PABIR3: variants seen among roughly 807,000 people sequenced by gnomAD.
PABIR3 encodes PABIR family member 3, also known as PABIR family member 1.
A neutral mutation model predicts 23.1 loss-of-function variants in PABIR3; 20 were observed. That is an observed-to-expected ratio of 0.86 (90% CI 0.61 to 1.26). PABIR3 has a LOEUF of 1.26. Ranked by LOEUF, PABIR3 falls within the 50% of genes most tolerant of loss-of-function variation. The probability of loss-of-function intolerance (pLI) is 0.00; values close to 1 mark genes in which losing one functional copy is unlikely to be tolerated. For synonymous variants in PABIR3, 69 were observed against 68.5 expected (o/e 1.01, Z -0.04); for missense variants, 189 against 195.4 (o/e 0.97, Z 0.20).
intron 4 of PABIR3, among the ~76,000 whole-genome samples, chrX:134,834,940 T>C (rs2081923729): frequency 8.9e-6 from 1 of 112,385 alleles, no homozygotes; most frequent in African/African-American, 3.2e-5. Context: ...ATGCCTCTTA[T>C]TTATTGAAGA....
rs758583078 is a variant in PABIR3 at position 134,829,261 on chromosome X, C to A, written c.225C>A (p.Ser75Arg). Residue 75 changes from serine (S) to arginine (R), a missense_variant, in exon 4 of 11, where the codon AGC becomes AGA. By Grantham distance (110) the Ser-to-Arg change is moderately radical (BLOSUM62 -1). Transcript: ENST00000645433. The stretch of plus-strand genomic sequence containing the variant: ...CTCCTCCCTTTCATGGTTCCATCAG[C>A]CGCCTTCATCAAATCAAACAGGTAA... ...LPPPPFHGSI[S>R]RLHQIKQEEA... The A allele has an allele frequency of 8.3e-6, 10 of 1,207,901 alleles. No individual in the cohort carries two copies. The highest frequency in any genetic ancestry group is 1.0e-5 in the Non-Finnish European group (9 of 892,908).
intron 6 of PABIR3, 30 bp from the exon 7 acceptor site, chrX:134,847,353 A>G (rs774567530): frequency 9.2e-7 from 1 of 1,083,650 alleles, no homozygotes; most frequent in Non-Finnish European, 1.3e-6. Flanking sequence ...AATTGGTGCT[A>G]CAATTGTACA....
intron 2 of PABIR3, chrX:134,811,033 T>C: frequency 1.3e-6 from 1 of 754,548 alleles, no homozygotes; most frequent in South Asian, 6.7e-5. Context: ...GTTTCTTCTA[T>C]ATAAAGACCC....
At chrX:134,815,557 CCTTGT>C (rs1385765984) in intron 3 of PABIR3, among the ~76,000 whole-genome samples, 1 of 112,024 alleles carries the variant, frequency 8.9e-6, no homozygotes, top group Non-Finnish European at 1.9e-5. Flanking sequence ...GCATACATAT[CCTTGT>C]CTTGTTCCTC....
upstream of PABIR3, among the ~76,000 whole-genome samples, chrX:134,806,679 T>C (rs1430204139): frequency 9.2e-6 from 1 of 109,223 alleles, no homozygotes; most frequent in African/African-American, 3.3e-5. Context: ...GAAACCACAC[T>C]GAAAACAGTA....
At position 134,847,871 on chromosome X, in the gene PABIR3, A is replaced by G. The variant is rs1397221019; in HGVS notation, c.439-12A>G. The G allele has an allele frequency of 2.6e-6, 3 of 1,150,231 alleles. No individual in the cohort carries two copies. Among genetic ancestry groups the G allele is most frequent in the Non-Finnish European group, 3.5e-6 (3 of 868,404 alleles). 94.8% of individuals were successfully genotyped at this position (1,150,231 alleles called of 1,213,427 possible). On this transcript the variant is annotated splice_polypyrimidine_tract_variant and intron_variant, in intron 7 of 10. Transcript: ENST00000645433. ...TGGCGGTTTTAAAACCTCTGTTCCAATTTGATTTTAGCAGTGTTTCTCTCC... is the reference window on the plus strand; with the variant it reads ...TGGCGGTTTTAAAACCTCTGTTCCAGTTTGATTTTAGCAGTGTTTCTCTCC...
At chrX:134,857,098 C>T (rs752944363), downstream of PABIR3, among the ~76,000 whole-genome samples, 3 of 112,261 alleles carry the variant, frequency 2.7e-5, no homozygotes, top group Non-Finnish European at 5.6e-5. Context: ...TAGTGAAGGA[C>T]ATGCATTAGT....
At chrX:134,818,579 C>G (rs2081100512) in intron 3 of PABIR3, among the ~76,000 whole-genome samples, 1 of 111,889 alleles carries the variant, frequency 8.9e-6, no homozygotes, top group Non-Finnish European at 1.9e-5. Context: ...AAAGCACTTT[C>G]AGTAGAAGGA....
At chrX:134,840,523 A>G (rs1177563650) in intron 4 of PABIR3, among the ~76,000 whole-genome samples, 1 of 111,152 alleles carries the variant, frequency 9.0e-6, no homozygotes, top group African/African-American at 3.3e-5. Flanking sequence ...TGAGAACTGT[A>G]CAGCCACCTC....
At chrX:134,862,947 T>C in the PABIR3 span, among the ~76,000 whole-genome samples, 2 of 112,211 alleles carry the variant, frequency 1.8e-5, no homozygotes, top group East Asian at 5.6e-4. Flanking sequence ...GGCTATCATG[T>C]CTCCATAAAT....
intron 3 of PABIR3, among the ~76,000 whole-genome samples, chrX:134,816,541 C>CA (rs2080987570): frequency 9.0e-6 from 1 of 111,035 alleles, no homozygotes; most frequent in African/African-American, 3.3e-5. Flanking sequence ...AGGCTAGTCT[C>CA]AAACTCCTGA....
Position 134,829,352 on chromosome X carries a change from C to T in PABIR3, c.246+70C>T. On this transcript the variant is annotated intron_variant, in intron 4 of 10. Coordinates refer to ENST00000645433, the MANE Select transcript of PABIR3 (RefSeq NM_001388447.1). ...AATTTTATTTTTCTTTGTGAAAATA[C>T]CTATGTTTCAGTAATTCTAAGTGAG... 3 of 893,709 alleles carry T rather than the reference C, an allele frequency of 3.4e-6. 1 individual carries two copies. The highest frequency in any genetic ancestry group is 5.0e-5 in the South Asian group (2 of 40,385). 73.7% of individuals were successfully genotyped at this position (893,709 alleles called of 1,213,427 possible).
At chrX:134,809,810 C>T (rs2080530530) in intron 2 of PABIR3, 7 of 753,895 alleles carry the variant, frequency 9.3e-6, no homozygotes, top group Non-Finnish European at 1.1e-5. Flanking sequence ...CTAACCAATA[C>T]CTAAGCTGAT....
downstream of PABIR3, among the ~76,000 whole-genome samples, chrX:134,856,148 C>G (rs571822785): frequency 9.1e-6 from 1 of 110,069 alleles, no homozygotes; most frequent in Non-Finnish European, 1.9e-5. Flanking sequence ...TCTCAATATA[C>G]TTTTCTCAAC....
the PABIR3 span, among the ~76,000 whole-genome samples, chrX:134,860,617 G>A: frequency 4.5e-5 from 5 of 110,976 alleles, no homozygotes; most frequent in South Asian, 3.8e-4. Flanking sequence ...GGAAAAATAC[G>A]GGATAGGTTG....
chrX:134,828,047 C>CTCTCTCTCTCTCTATATATATATA (rs1466733144), intron 3 of PABIR3, among the ~76,000 whole-genome samples: 1 of 49,418 alleles, frequency 2.0e-5, no homozygotes, highest in African/African-American at 8.2e-5. Context: ...CTCTCTCTCT[C>CTCTCTCTCTCTCTATATATATATA]TATATATATA....
At chrX:134,809,399 T>TCA (rs2080494754) in intron 2 of PABIR3, 4 of 400,685 alleles carry the variant, frequency 1.0e-5, no homozygotes, top group Non-Finnish European at 1.3e-5. Flanking sequence ...TCTCCTGACC[T>TCA]TGTGATCCGC....
At chrX:134,837,045 A>T (rs914391673) in intron 4 of PABIR3, among the ~76,000 whole-genome samples, 8 of 109,002 alleles carry the variant, frequency 7.3e-5, no homozygotes, top group African/African-American at 1.7e-4. Flanking sequence ...CTTTAAAAAA[A>T]TTTTTTTTTT....
chrX:134,845,204 G>A lies in PABIR3; in HGVS notation c.247-1G>A. 1 of 1,190,426 alleles carries A rather than the reference G, an allele frequency of 8.4e-7. No individual in the cohort carries two copies. Among genetic ancestry groups the A allele is most frequent in the Non-Finnish European group, 1.1e-6 (1 of 883,273 alleles). On this transcript the variant is annotated splice_acceptor_variant, in intron 4 of 10. Transcript: ENST00000645433. LOFTEE classifies it high-confidence loss of function. The stretch of plus-strand genomic sequence containing the variant: ...TTATTCTCATTTTCCTACCTTTACA[G>A]GAAGAAGCCATGGATTTAATAAATA...
Sources: gnomAD v4.1 joint callset for allele counts (sites outside exome capture counted in the v4.1 genomes callset) on GRCh38, gnomAD v4.1.1 for gene constraint, MANE v1.5 for transcripts, NCBI Gene and HGNC (gene_info 2026-07-23, HGNC 2026-07-21) for gene names.